COL27A1: variants seen among roughly 807,000 people sequenced by gnomAD.
COL27A1 encodes the protein collagen alpha-1(XXVII) chain.
A neutral mutation model predicts 251.3 loss-of-function variants in COL27A1; 106 were observed. The observed-to-expected ratio is 0.42, with a 90% CI of 0.36 to 0.50. The LOEUF (loss-of-function observed/expected upper bound fraction) is 0.50. Ranked by LOEUF, COL27A1 falls within the 20% of genes least tolerant of loss-of-function variation. The probability of loss-of-function intolerance (pLI) is 0.00; values close to 1 mark genes in which losing one functional copy is unlikely to be tolerated. For missense variants in COL27A1, 2,325 were observed against 2,522.8 expected (o/e 0.92, Z 1.68); for synonymous variants, 1,000 against 986.3 (o/e 1.01, Z -0.26).
intron 4 of COL27A1, 63 bp downstream of exon 4, chr9:114,178,407 C>T (rs1827637329): frequency 8.2e-6 from 12 of 1,455,320 alleles, no homozygotes. Flanking sequence ...TCTCACTGCC[C>T]CTGAGGTCTC....
At chr9:114,184,309 G>A (rs1828162645) in intron 5 of COL27A1, among the ~76,000 whole-genome samples, 2 of 152,254 alleles carry the variant, frequency 1.3e-5, no homozygotes, top group South Asian at 4.1e-4. Context: ...CATGCACAGT[G>A]AGCTGCTGAG....
At chr9:114,282,682 CACCT>C in intron 39 of COL27A1, 118 bp downstream of exon 39, 1 of 650,680 alleles carries the variant, frequency 1.5e-6, no homozygotes, top group South Asian at 2.2e-5. Flanking sequence ...ATTAGCTGAA[CACCT>C]GGTGCTCATT....
Position 114,304,663 on chromosome 9 carries a change from T to C in COL27A1, c.4928T>C (p.Leu1643Pro), listed in dbSNP as rs1828900568. 6.2e-7 allele frequency: 1 copy of C among 1,614,096 alleles called. No individual in the cohort carries two copies. The highest frequency in any genetic ancestry group is 1.1e-5 in the South Asian group (1 of 91,086). ...ACGTGGATGGACACCAGTGGAGCAC[T>C]CAGGCCAGAGGTATCTCCAGGGGCT... ...FQTWMDTSGA[L>P]RPESYSYPDR... Residue 1643 changes from leucine to proline, a missense_variant, in exon 57 of 61, where the codon CTC becomes CCC. Physicochemically the swap from Leu to Pro is moderately conservative, Grantham distance 98. This residue lies in a region of COL27A1 where 327 missense variants were observed against 442.8 expected (regional missense o/e 0.74). Transcript: ENST00000356083.
At chr9:114,300,989 C>A in intron 51 of COL27A1, 83 bp from the exon 52 acceptor site, 1 of 1,378,038 alleles carries the variant, frequency 7.3e-7, no homozygotes, top group Non-Finnish European at 1.0e-6. Context: ...CCTTGCGACG[C>A]TCGGGCTGCC....
intron 32 of COL27A1, among the ~76,000 whole-genome samples, chr9:114,265,722 G>A (rs1266664069): frequency 3.9e-5 from 6 of 152,226 alleles, no homozygotes; most frequent in Non-Finnish European, 2.9e-5. Flanking sequence ...TTGCCATTCT[G>A]TTGTGAAGAT....
chr9:114,206,371 G>A (rs1037189834), intron 10 of COL27A1, 75 bp downstream of exon 10: 1 of 1,480,946 alleles, frequency 6.8e-7, no homozygotes, highest in East Asian at 2.3e-5. Flanking sequence ...TGGGCTTGAT[G>A]GGAGGTCAGA....
intron 24 of COL27A1, among the ~76,000 whole-genome samples, chr9:114,248,501 G>A (rs193040542): frequency 9.2e-5 from 14 of 152,320 alleles, no homozygotes; most frequent in East Asian, 5.8e-4. Context: ...TGCGGTGCCC[G>A]CTGTGGGTAA....
rs373514961 is a variant in COL27A1, at chr9:114,310,706, C to T, written c.*11C>T. 2.3e-5 allele frequency: 37 copies of T among 1,613,792 alleles called. No homozygotes were observed. Among genetic ancestry groups the T allele is most frequent in the Non-Finnish European group, 3.0e-5 (35 of 1,179,954 alleles). Reference sequence around the variant, plus strand: ...GCGTGCTTCCTCTGACCTCTGACCTCGTGGCCACTCTAGGCCTCACGGAGG... The same window carrying T: ...GCGTGCTTCCTCTGACCTCTGACCTTGTGGCCACTCTAGGCCTCACGGAGG... On this transcript the variant is annotated 3_prime_UTR_variant, in exon 61 of 61. Coordinates refer to ENST00000356083, the MANE Select transcript of COL27A1 (RefSeq NM_032888.4).
intron 6 of COL27A1, among the ~76,000 whole-genome samples, chr9:114,195,364 GACCCCCATCAT>G (rs2135246026): frequency 1.3e-5 from 1 of 76,154 alleles, no homozygotes; most frequent in South Asian, 5.1e-4. Context: ...ACTACCACTT[GACCCCCATCAT>G]ACCCCATGAG....
At chr9:114,279,837 A>T (rs1243621769) in intron 37 of COL27A1, among the ~76,000 whole-genome samples, 1 of 152,194 alleles carries the variant, frequency 6.6e-6, no homozygotes, top group Non-Finnish European at 1.5e-5. Context: ...TGGGCAACAG[A>T]GAGAGACCTT....
At chr9:114,222,400 G>T (rs891106086) in intron 14 of COL27A1, 133 bp downstream of exon 14, 2 of 830,214 alleles carry the variant, frequency 2.4e-6, no homozygotes, top group African/African-American at 1.7e-5. Flanking sequence ...CCCCAGAGGG[G>T]CTGGGGGGCC....
At chr9:114,269,106 G>C (rs1834945384) in intron 34 of COL27A1, 135 bp from the exon 35 acceptor site, 2 of 568,608 alleles carry the variant, frequency 3.5e-6, no homozygotes, top group Non-Finnish European at 6.3e-6. Flanking sequence ...ATTTCTCTGT[G>C]GTCCCTGGGA....
At chr9:114,301,032 C>T (rs1214383236) in intron 51 of COL27A1, 40 bp from the exon 52 acceptor site, 1 of 1,563,912 alleles carries the variant, frequency 6.4e-7, no homozygotes, top group Non-Finnish European at 8.7e-7. Context: ...GTTCCCCAGG[C>T]CCTGGAACAA....
intron 58 of COL27A1, chr9:114,307,423 T>G (rs1052392662): frequency 1.4e-5 from 7 of 490,836 alleles, no homozygotes; most frequent in African/African-American, 1.2e-4. Context: ...AATGGATACA[T>G]CCCAGTAGCA....
At chr9:114,249,395 A>T (rs59736361) in intron 24 of COL27A1, among the ~76,000 whole-genome samples, 2,280 of 152,282 alleles carry the variant, frequency 0.015, 61 homozygotes, top group African/African-American at 0.052. Flanking sequence ...CAGGTGCAGG[A>T]TCCACCATGC....
intron 7 of COL27A1, among the ~76,000 whole-genome samples, chr9:114,197,415 TG>T (rs1376540742): frequency 1.3e-5 from 2 of 152,186 alleles, no homozygotes; most frequent in African/African-American, 2.4e-5. Context: ...CTGGGAAACA[TG>T]GTCCTTTCTG....
intron 51 of COL27A1, 133 bp from the exon 52 acceptor site, chr9:114,300,939 G>C: frequency 1.1e-6 from 1 of 900,524 alleles, no homozygotes; most frequent in Non-Finnish European, 1.7e-6. Flanking sequence ...CTCAGGAGAT[G>C]CATGGCCTGG....
At position 114,178,115 on chromosome 9, in the gene COL27A1, G is replaced by A. The variant is rs145526158; in HGVS notation, c.1909-176G>A. ...CAGTGACTGAATAGTAGCTATGAAAGCCCAAAAGCCCCAAAGAGCATGAAT... is the reference window on the plus strand; with the variant it reads ...CAGTGACTGAATAGTAGCTATGAAAACCCAAAAGCCCCAAAGAGCATGAAT... On this transcript the variant is annotated intron_variant, in intron 3 of 60. Transcript: ENST00000356083. Among the ~76,000 whole-genome samples, 96 of 152,304 alleles carry A rather than the reference G, an allele frequency of 6.3e-4. 3 individuals are homozygous for A. In the East Asian group the frequency reaches 0.017, roughly 27 times the overall value.
intron 35 of COL27A1, among the ~76,000 whole-genome samples, chr9:114,270,128 T>G (rs1426501800): frequency 6.6e-6 from 1 of 152,306 alleles, no homozygotes; most frequent in African/African-American, 2.4e-5. Flanking sequence ...AGGAGTTCCA[T>G]GCAGGCTTAC....
Sources: allele counts gnomAD v4.1 joint callset (sites outside exome capture counted in the v4.1 genomes callset), GRCh38; gene constraint gnomAD v4.1.1; regional missense constraint gnomAD v4.1.1; transcripts MANE v1.5; gene names NCBI Gene and HGNC (gene_info 2026-07-23, HGNC 2026-07-21).